FSTL5: variants seen among roughly 807,000 people sequenced by gnomAD.
The protein encoded by FSTL5 is follistatin-related protein 5.
Under a neutral mutation model 89.1 loss-of-function variants are expected in FSTL5, and 62 were observed. The observed-to-expected ratio is 0.70, with a 90% confidence interval of 0.57 to 0.86. The LOEUF (loss-of-function observed/expected upper bound fraction) is 0.86. Among genes scored for constraint, FSTL5 ranks in the 40% least tolerant of loss-of-function variants. FSTL5 has a pLI of 0.00. For missense variants in FSTL5, 1,057 were observed against 1,001.6 expected (o/e 1.06, Z -0.75); for synonymous variants, 383 against 346.2 (o/e 1.11, Z -1.18).
intron 12 of FSTL5, among the ~76,000 whole-genome samples, chr4:161,496,047 G>C (rs1730058678): frequency 6.6e-6 from 1 of 152,086 alleles, no homozygotes; most frequent in East Asian, 1.9e-4. Flanking sequence ...ATTGAAAGAA[G>C]AATACTGTTT....
At chr4:161,705,991 TATATAC>T (rs373418368) in intron 6 of FSTL5, among the ~76,000 whole-genome samples, 3,825 of 83,074 alleles carry the variant, frequency 0.046, 587 homozygotes, top group African/African-American at 0.081. Context: ...TATATATATA[TATATAC>T]ACACATCTAC....
intron 4 of FSTL5, among the ~76,000 whole-genome samples, chr4:161,856,650 TTG>T (rs535951633): frequency 1.3e-4 from 9 of 70,258 alleles, no homozygotes; most frequent in East Asian, 1.2e-3. Context: ...ATTTGCATAC[TTG>T]TGTGTGTGTG....
At chr4:162,005,975 G>A (rs1364104720) in intron 3 of FSTL5, among the ~76,000 whole-genome samples, 4 of 151,988 alleles carry the variant, frequency 2.6e-5, no homozygotes. Flanking sequence ...CTCAAATTGT[G>A]TGTATGCACA....
chr4:162,070,525 G>T (rs900246434), intron 2 of FSTL5, among the ~76,000 whole-genome samples: 1 of 151,704 alleles, frequency 6.6e-6, no homozygotes, highest in East Asian at 1.9e-4. Flanking sequence ...GTTGATTTTT[G>T]AATATTGTGG....
intron 4 of FSTL5, among the ~76,000 whole-genome samples, chr4:161,860,236 G>C (rs530557298): frequency 2.7e-4 from 41 of 152,154 alleles, no homozygotes; most frequent in East Asian, 1.2e-3. Context: ...TGCAGTGAGA[G>C]GAGATCGCGC....
intron 11 of FSTL5, among the ~76,000 whole-genome samples, chr4:161,507,027 G>A (rs539736841): frequency 6.6e-6 from 1 of 152,160 alleles, no homozygotes; most frequent in African/African-American, 2.4e-5. Context: ...GTTTCCCAAA[G>A]TATGTTATGT....
chr4:161,682,715 A>G (rs1737566055), intron 6 of FSTL5, among the ~76,000 whole-genome samples: 1 of 151,688 alleles, frequency 6.6e-6, no homozygotes, highest in African/African-American at 2.4e-5. Context: ...GACCTGAAAG[A>G]CCTGGCTGAG....
At chr4:161,758,934 A>T (rs1440320217) in intron 6 of FSTL5, among the ~76,000 whole-genome samples, 1 of 152,242 alleles carries the variant, frequency 6.6e-6, no homozygotes, top group Non-Finnish European at 1.5e-5. Context: ...CGGCAATTCA[A>T]ACATGTATCA....
chr4:161,990,016 G>T (rs1413097490), intron 3 of FSTL5, among the ~76,000 whole-genome samples: 1 of 151,924 alleles, frequency 6.6e-6, no homozygotes, highest in East Asian at 1.9e-4. Context: ...GTTGTTTTTT[G>T]ACTTGTGTTA....
At chr4:161,403,733 C>T (rs1296515584) in intron 15 of FSTL5, among the ~76,000 whole-genome samples, 1 of 152,172 alleles carries the variant, frequency 6.6e-6, no homozygotes, top group Admixed American at 6.5e-5. Context: ...CACATCACTA[C>T]TCATTCCATT....
chr4:162,124,677 G>A (rs1732000012), intron 1 of FSTL5, among the ~76,000 whole-genome samples: 1 of 151,950 alleles, frequency 6.6e-6, no homozygotes, highest in Non-Finnish European at 1.5e-5. Context: ...ATACTCAAAA[G>A]CTTCTTTTAG....
At chr4:161,678,221 T>C (rs1737378597) in intron 6 of FSTL5, among the ~76,000 whole-genome samples, 1 of 151,808 alleles carries the variant, frequency 6.6e-6, no homozygotes, top group Non-Finnish European at 1.5e-5. Flanking sequence ...TATGTGTATA[T>C]ATACAGCCCC....
chr4:161,388,648 T>C (rs545280118), intron 15 of FSTL5, among the ~76,000 whole-genome samples: 1 of 152,232 alleles, frequency 6.6e-6, no homozygotes, highest in African/African-American at 2.4e-5. Context: ...TTATGAATTA[T>C]GTTGAAAAAT....
At chr4:161,901,017 T>G (rs17458635) in intron 4 of FSTL5, among the ~76,000 whole-genome samples, 7,056 of 152,254 alleles carry the variant, frequency 0.046, 206 homozygotes, top group Non-Finnish European at 0.07. Flanking sequence ...GCTGTTTTTC[T>G]AAACCACTTT....
intron 14 of FSTL5, among the ~76,000 whole-genome samples, chr4:161,455,905 G>A (rs1169081459): frequency 6.6e-6 from 1 of 152,050 alleles, no homozygotes; most frequent in Non-Finnish European, 1.5e-5. Context: ...GGCCATCAAA[G>A]TAACTTCCTA....
intron 7 of FSTL5, among the ~76,000 whole-genome samples, chr4:161,644,255 G>A (rs974204569): frequency 2.0e-5 from 3 of 152,124 alleles, no homozygotes; most frequent in Non-Finnish European, 4.4e-5. Context: ...GGTTGGGTAC[G>A]GTGGCTCAAG....
intron 7 of FSTL5, among the ~76,000 whole-genome samples, chr4:161,644,383 G>A (rs1736071323): frequency 6.6e-6 from 1 of 152,076 alleles, no homozygotes; most frequent in Admixed American, 6.5e-5. Context: ...AAAATTAGCT[G>A]GGTGTGGTGG....
chr4:161,564,478 A>G (rs1732729841), intron 8 of FSTL5, among the ~76,000 whole-genome samples: 2 of 150,510 alleles, frequency 1.3e-5, no homozygotes, highest in Admixed American at 6.7e-5. Context: ...GCTGAAATAT[A>G]TTAATTGATA....
At chr4:161,919,194 T>C (rs1387299038) in intron 4 of FSTL5, among the ~76,000 whole-genome samples, 1 of 152,144 alleles carries the variant, frequency 6.6e-6, no homozygotes, top group Non-Finnish European at 1.5e-5. Context: ...AAAAGGGAAC[T>C]AAACTGAACT....
Sources: gnomAD v4.1 joint callset for allele counts (sites outside exome capture counted in the v4.1 genomes callset) on GRCh38, gnomAD v4.1.1 for gene constraint, MANE v1.5 for transcripts, NCBI Gene and HGNC (gene_info 2026-07-23, HGNC 2026-07-21) for gene names.